Variants in PRICKLE2 observed in about 807,000 individuals in gnomAD.
PRICKLE2 encodes the protein prickle-like protein 2.
PRICKLE2 carries 21 observed loss-of-function variants against 81.4 expected under a neutral mutation model. The ratio of observed to expected loss-of-function variants is 0.26; its 90% CI spans 0.18 to 0.37. The LOEUF is 0.37. Among genes scored for constraint, PRICKLE2 ranks in the 10% least tolerant of loss-of-function variants. PRICKLE2 has a pLI of 1.00. For synonymous variants in PRICKLE2, 456 were observed against 421.5 expected, an observed-to-expected ratio of 1.08 and a Z score of -1.00; for missense variants, 940 against 1,109.0, an observed-to-expected ratio of 0.85 and a Z score of 2.16.
At chr3:64,255,083 A>G (rs2079506397) in intron 2 of PRICKLE2, among the ~76,000 whole-genome samples, 1 of 152,200 alleles carries the variant, frequency 6.6e-6, no homozygotes, top group Admixed American at 6.5e-5. Context: ...TTTCCCATTT[A>G]GGATAAAAAA....
intron 2 of PRICKLE2, among the ~76,000 whole-genome samples, chr3:64,237,269 C>G (rs1215582427): frequency 6.6e-6 from 1 of 152,162 alleles, no homozygotes; most frequent in Non-Finnish European, 1.5e-5. Flanking sequence ...CCTGTTGCAT[C>G]TGCACCCTGG....
chr3:64,187,002 T>C (rs1445149495), intron 2 of PRICKLE2, among the ~76,000 whole-genome samples: 3 of 152,210 alleles, frequency 2.0e-5, no homozygotes, highest in East Asian at 3.9e-4. Context: ...ACTGTAAAGG[T>C]TGGAGATACC....
rs2077480731 is a variant in PRICKLE2, at chr3:64,147,729, G to A, written c.788-27C>T. 1 of 1,612,690 alleles carries A rather than the reference G, an allele frequency of 6.2e-7. No individual in the cohort carries two copies. The highest frequency in any genetic ancestry group is 1.3e-5 in the African/African-American group (1 of 74,920). Reference sequence around the variant, plus strand: ...TAAAAAAATGAGAGACATTGGAGAGGCTGATGAGCTGCTCAGAGCTCTGCA... The same window carrying A: ...TAAAAAAATGAGAGACATTGGAGAGACTGATGAGCTGCTCAGAGCTCTGCA... On this transcript the variant is annotated intron_variant, in intron 6 of 7. Coordinates refer to ENST00000638394, the MANE Select transcript of PRICKLE2 (RefSeq NM_198859.4). This position sits in a 1 kb window ranked among gnomAD's most constrained non-coding sequence, Gnocchi z 5.0.
chr3:64,106,069 T>C (rs1432465672), intron 7 of PRICKLE2: 1 of 152,234 alleles, frequency 6.6e-6, no homozygotes, highest in African/African-American at 2.4e-5. Context: ...CCTGACCTCA[T>C]ACCTGGTATT....
chr3:64,162,915 A>G (rs374120563), intron 3 of PRICKLE2, 101 bp downstream of exon 3: 1 of 833,876 alleles, frequency 1.2e-6, no homozygotes, highest in Non-Finnish European at 2.1e-6. Context: ...AAATTGCCAG[A>G]GTTCTTCTTC....
intron 7 of PRICKLE2, among the ~76,000 whole-genome samples, chr3:64,112,948 G>A (rs2106955077): frequency 7.0e-6 from 1 of 142,900 alleles, no homozygotes; most frequent in South Asian, 2.3e-4. Flanking sequence ...GGAGGGCACT[G>A]AGAATGGATG....
intron 5 of PRICKLE2, chr3:64,153,999 C>A (rs1408764433): frequency 6.5e-6 from 1 of 154,232 alleles, no homozygotes; most frequent in East Asian, 1.9e-4. Flanking sequence ...AATTTCAAAG[C>A]ACAGATTTCA....
intron 2 of PRICKLE2, among the ~76,000 whole-genome samples, chr3:64,233,653 T>G (rs563521037): frequency 7.6e-4 from 115 of 152,296 alleles, no homozygotes; most frequent in African/African-American, 2.6e-3. Flanking sequence ...GCCAAACAAT[T>G]CCCTACTTTA....
intron 2 of PRICKLE2, among the ~76,000 whole-genome samples, chr3:64,164,365 A>T (rs1056301305): frequency 3.3e-5 from 5 of 152,070 alleles, no homozygotes; most frequent in African/African-American, 4.8e-5. Flanking sequence ...TAAAAAAAAA[A>T]AAATTTGTTA....
At chr3:64,116,565 C>T (rs2076937117) in intron 7 of PRICKLE2, among the ~76,000 whole-genome samples, 3 of 152,134 alleles carry the variant, frequency 2.0e-5, no homozygotes, top group African/African-American at 7.2e-5. Flanking sequence ...ATATTATGAA[C>T]ACCTCTATGT....
intron 1 of PRICKLE2, among the ~76,000 whole-genome samples, chr3:64,204,357 C>T (rs2078642965): frequency 6.6e-6 from 1 of 152,144 alleles, no homozygotes; most frequent in African/African-American, 2.4e-5. Context: ...GAAATATTAT[C>T]TCCACTTCCC....
intron 1 of PRICKLE2, among the ~76,000 whole-genome samples, chr3:64,222,405 G>C (rs1475886808): frequency 2.0e-5 from 3 of 152,180 alleles, no homozygotes; most frequent in African/African-American, 2.4e-5. Context: ...ATTCACTTTT[G>C]TCTTTCAGAT....
chr3:64,204,125 T>C (rs963164763), intron 1 of PRICKLE2, among the ~76,000 whole-genome samples: 2 of 152,206 alleles, frequency 1.3e-5, no homozygotes, highest in Non-Finnish European at 2.9e-5. Flanking sequence ...CCCTGCCCTC[T>C]TGGCCTACGT....
At chr3:64,262,874 T>G (rs1055383518) in intron 2 of PRICKLE2, among the ~76,000 whole-genome samples, 2 of 152,166 alleles carry the variant, frequency 1.3e-5, no homozygotes, top group African/African-American at 4.8e-5. Context: ...GGTTCAGAGA[T>G]GTAAATGACT....
At chr3:64,191,256 G>A (rs1346301673) in intron 2 of PRICKLE2, among the ~76,000 whole-genome samples, 10 of 152,148 alleles carry the variant, frequency 6.6e-5, no homozygotes, top group Admixed American at 5.2e-4. Flanking sequence ...GAAGCCAAAC[G>A]TTCCTTCTGC....
intron 2 of PRICKLE2, among the ~76,000 whole-genome samples, chr3:64,258,617 G>A (rs926275302): frequency 7.3e-5 from 11 of 151,706 alleles, no homozygotes; most frequent in African/African-American, 1.9e-4. Flanking sequence ...TCAGGAGATC[G>A]AGACCATACT....
chr3:64,130,432 G>A (rs923785398), intron 7 of PRICKLE2, among the ~76,000 whole-genome samples: 2 of 152,166 alleles, frequency 1.3e-5, no homozygotes, highest in African/African-American at 2.4e-5. Flanking sequence ...TCTATCTAAC[G>A]CTCAAGATCC....
At chr3:64,236,586 T>G (rs1303901821) in intron 2 of PRICKLE2, among the ~76,000 whole-genome samples, 1 of 152,222 alleles carries the variant, frequency 6.6e-6, no homozygotes, top group African/African-American at 2.4e-5. Context: ...CCTTCTAATC[T>G]TAAATATTCC....
intron 6 of PRICKLE2, among the ~76,000 whole-genome samples, chr3:64,149,195 T>C (rs957867690): frequency 1.3e-5 from 2 of 152,190 alleles, no homozygotes; most frequent in South Asian, 2.1e-4. Context: ...CTTCTGGTTA[T>C]AGGACTTCCT....
Sources: gnomAD v4.1 joint callset for allele counts (sites outside exome capture counted in the v4.1 genomes callset) on GRCh38, gnomAD v4.1.1 for gene constraint, Gnocchi (gnomAD v3.1) non-coding constraint, MANE v1.5 for transcripts, NCBI Gene and HGNC (gene_info 2026-07-23, HGNC 2026-07-21) for gene names.